The following CEP295 variants were observed in gnomAD, a reference collection of about 807,000 sequenced individuals.
CEP295 encodes the protein centrosomal protein of 295 kDa.
Under a neutral mutation model 291.6 loss-of-function variants are expected in CEP295, and 190 were observed. The ratio of observed to expected loss-of-function variants is 0.65; its 90% CI spans 0.58 to 0.73. CEP295 has a LOEUF of 0.73. Ranked by LOEUF, CEP295 falls within the 30% of genes least tolerant of loss-of-function variation. The pLI is 0.00. For synonymous variants in CEP295, 993 were observed against 1,038.8 expected, an observed-to-expected ratio of 0.96 and a Z score of 0.85; for missense variants, 2,863 against 2,949.4, an observed-to-expected ratio of 0.97 and a Z score of 0.68.
At chr11:93,723,985 A>G (rs2135333125) in intron 21 of CEP295, 1 of 189,886 alleles carries the variant, frequency 5.3e-6, no homozygotes, top group South Asian at 1.6e-4. Context: ...TAAATTTAAA[A>G]AAATTAAATT....
Position 93,698,048 on chromosome 11 carries a change from T to A in CEP295, c.3136T>A (p.Phe1046Ile). 1 of 1,551,810 alleles carries A rather than the reference T, an allele frequency of 6.4e-7. No individual in the cohort carries two copies. The highest frequency in any genetic ancestry group is 2.4e-5 in the East Asian group (1 of 40,908). Reference sequence around the variant, plus strand: ...CATATCTCAGGATGGGTCTTTGAGTTTCCTACAGCAGTTCCTACCTCTACA... The same window carrying A: ...CATATCTCAGGATGGGTCTTTGAGTATCCTACAGCAGTTCCTACCTCTACA... The part of the protein sequence containing the change: ...IPISQDGSLS[F>I]LQQFLPLHDS... Residue 1046 changes from phenylalanine (F) to isoleucine (I), a missense_variant, in exon 15 of 30, where the codon TTC (phenylalanine) becomes ATC (isoleucine). By Grantham distance (21) the Phe-to-Ile change is conservative (BLOSUM62 0). Around this residue, in one of 3 missense-constraint regions of CEP295, gnomAD observed 2,295 missense variants for 2,335.7 expected, o/e 0.98. Coordinates refer to ENST00000325212, the MANE Select transcript of CEP295 (RefSeq NM_033395.2).
rs1432876221 is a variant in CEP295 at position 93,702,115 on chromosome 11, C to T, written c.5275-345C>T. The stretch of plus-strand genomic sequence containing the variant: ...CCAGGATTACAGGCATGCACAATCA[C>T]GCCCAGCCAATTTTTGTATTTTTAG... On this transcript the variant is annotated intron_variant, in intron 15 of 29. Coordinates refer to ENST00000325212, the MANE Select transcript of CEP295 (RefSeq NM_033395.2). Among the ~76,000 whole-genome samples, 8 of 152,192 alleles carry T rather than the reference C, an allele frequency of 5.3e-5. No individual in the cohort carries two copies. The East Asian group carries it at 1.2e-3, about 22-fold the overall frequency.
intron 5 of CEP295, among the ~76,000 whole-genome samples, chr11:93,670,044 GC>G (rs1364759012): frequency 6.6e-6 from 1 of 151,842 alleles, no homozygotes; most frequent in African/African-American, 2.4e-5. Flanking sequence ...TATTTGTTCA[GC>G]CTTCCTCAAT....
chr11:93,729,659 C>A lies in CEP295; in HGVS notation c.7445C>A (p.Ala2482Glu), dbSNP rs1445862481. 9 of 1,550,712 alleles carry A rather than the reference C, an allele frequency of 5.8e-6. No individual in the cohort carries two copies. In the South Asian group the frequency reaches 9.5e-5, roughly 16 times the overall value. ...CCTGTACCAGGGAGCTTACAAGAAG[C>A]ATTTATAAAGAGGAAAAAATCATTT... ...LTPVPGSLQEAFIKRKKSFME... is the reference protein window; with the variant it reads ...LTPVPGSLQEEFIKRKKSFME... Residue 2482 changes from alanine (A) to glutamate (E), a missense_variant, in exon 27 of 30, where the codon GCA becomes GAA. Ala to Glu is a moderately radical substitution (Grantham distance 107). Transcript: ENST00000325212.
intron 7 of CEP295, among the ~76,000 whole-genome samples, chr11:93,681,260 G>T (rs1052743087): frequency 6.7e-6 from 1 of 149,570 alleles, no homozygotes; most frequent in African/African-American, 2.5e-5. Context: ...TTTTTGAGAC[G>T]GAGTCTCACT....
chr11:93,671,251 TGG>T (rs1950431809), intron 5 of CEP295, among the ~76,000 whole-genome samples: 1 of 152,204 alleles, frequency 6.6e-6, no homozygotes, highest in African/African-American at 2.4e-5. Context: ...AGTAAAGGGT[TGG>T]GGTAATAATC....
intron 19 of CEP295, 127 bp downstream of exon 19, chr11:93,721,539 G>A: frequency 1.3e-6 from 1 of 790,430 alleles, no homozygotes; most frequent in Non-Finnish European, 2.3e-6. Context: ...TTTTAGTGAA[G>A]TGGATCAATG....
At chr11:93,664,941 A>G (rs1383649362) in intron 1 of CEP295, among the ~76,000 whole-genome samples, 6 of 152,228 alleles carry the variant, frequency 3.9e-5, no homozygotes, top group Non-Finnish European at 8.8e-5. Context: ...CTAACTAGAA[A>G]GAGCAAACTG....
intron 15 of CEP295, among the ~76,000 whole-genome samples, chr11:93,701,604 TG>T (rs1952163759): frequency 6.6e-6 from 1 of 152,176 alleles, no homozygotes; most frequent in East Asian, 1.9e-4. Context: ...GTTTTTTGTT[TG>T]TTTGTTTGTT....
chr11:93,727,597 G>A lies in CEP295; in HGVS notation c.7121G>A (p.Ser2374Asn), dbSNP rs1591172702. The A allele has an allele frequency of 6.5e-7, 1 of 1,550,068 alleles. No individual in the cohort carries two copies. Among genetic ancestry groups the A allele is most frequent in the Non-Finnish European group, 8.7e-7 (1 of 1,146,546 alleles). The change falls in exon 24 of 30, where the codon AGT (serine) becomes AAT (asparagine). Residue 2374 changes from serine (S) to asparagine (N), a missense_variant. Ser to Asn is a conservative substitution (Grantham distance 46). Around this residue, in one of 3 missense-constraint regions of CEP295, gnomAD observed 2,295 missense variants for 2,335.7 expected, o/e 0.98. Transcript: ENST00000325212. ...CTAGGAGAATCAGAGCTTTTTGCAA[G>A]TTCTGGATCATTTTCATTACAGAGC... ...SQLGESELFA[S>N]SGSFSLQSSI...
Position 93,697,568 on chromosome 11 carries a change from T to C in CEP295, c.2656T>C (p.Ser886Pro). The change falls in exon 15 of 30, where the codon TCG becomes CCG. Residue 886 changes from serine (S) to proline (P), a missense_variant. Ser to Pro is a moderately conservative substitution (Grantham distance 74). Around this residue, in one of 3 missense-constraint regions of CEP295, gnomAD observed 2,295 missense variants for 2,335.7 expected, o/e 0.98. Coordinates refer to ENST00000325212, the MANE Select transcript of CEP295 (RefSeq NM_033395.2). Reference protein sequence around the residue: ...QKEVEQQTGLSVFLPLVTPDS... With the variant: ...QKEVEQQTGLPVFLPLVTPDS... ...AGAAGTGGAACAGCAAACGGGCCTC[T>C]CGGTATTCCTTCCCTTGGTAACTCC... The C allele has an allele frequency of 6.4e-7, 1 of 1,551,800 alleles. No individual in the cohort carries two copies. Among genetic ancestry groups the C allele is most frequent in the Non-Finnish European group, 8.7e-7 (1 of 1,146,982 alleles).
chr11:93,662,880 A>G (rs1950049410), intron 1 of CEP295, among the ~76,000 whole-genome samples: 1 of 152,246 alleles, frequency 6.6e-6, no homozygotes, highest in Non-Finnish European at 1.5e-5. Flanking sequence ...ACCAAAATTC[A>G]GCATCATTTA....
rs1952013126 is a variant in CEP295, at chr11:93,699,292, A to G, written c.4380A>G (p.Glu1460=). ...AACAAGATAATTTGATTGCACTTGA[A>G]GAACACTTGCATGCACAGACAGATT... ...LPQQDNLIAL[E]EHLHAQTDFL... Residue 1460 remains glutamate, a synonymous_variant, in exon 15 of 30, where the codon GAA becomes GAG. Coordinates refer to ENST00000325212, the MANE Select transcript of CEP295 (RefSeq NM_033395.2). 1.9e-6 allele frequency: 3 copies of G among 1,552,030 alleles called. No individual in the cohort carries two copies. The highest frequency in any genetic ancestry group is 2.6e-6 in the Non-Finnish European group (3 of 1,146,996).
chr11:93,698,404 A>G lies in CEP295; in HGVS notation c.3492A>G (p.Thr1164=), dbSNP rs1007023791. 6.4e-7 allele frequency: 1 copy of G among 1,552,046 alleles called. No individual in the cohort carries two copies. Among genetic ancestry groups the G allele is most frequent in the Non-Finnish European group, 8.7e-7 (1 of 1,147,088 alleles). The change falls in exon 15 of 30, where the codon ACA becomes ACG. Residue 1164 remains threonine (T), a synonymous_variant. Transcript: ENST00000325212. ...QHSLAQQENL[T]ILQEQSQIQR... Reference sequence around the variant, plus strand: ...GCCTGGCACAGCAAGAAAATTTGACAATACTCCAAGAACAGTCACAAATAC... The same window carrying G: ...GCCTGGCACAGCAAGAAAATTTGACGATACTCCAAGAACAGTCACAAATAC...
rs1367638050 is a variant in CEP295, at chr11:93,698,522, ACCT to A, written c.3615_3617del (p.Ser1207del). 5 of 1,552,108 alleles carry A rather than the reference ACCT, an allele frequency of 3.2e-6. No homozygotes were observed. The highest frequency in any genetic ancestry group is 3.5e-6 in the Non-Finnish European group (4 of 1,147,080). On this transcript the variant is annotated inframe_deletion, in exon 15 of 30. Coordinates refer to ENST00000325212, the MANE Select transcript of CEP295 (RefSeq NM_033395.2). ...AAGAATTTCTTCTGAACAGACTGGC[ACCT>A]CCTCATCCCTTTCCCAGGTGGATGA...
chr11:93,693,937 T>C (rs1951724877), intron 12 of CEP295, among the ~76,000 whole-genome samples: 1 of 152,218 alleles, frequency 6.6e-6, no homozygotes, highest in Non-Finnish European at 1.5e-5. Context: ...TTTATTTAAT[T>C]TTAATTAAAT....
chr11:93,670,509 T>C (rs1006562702), intron 5 of CEP295, among the ~76,000 whole-genome samples: 1 of 152,232 alleles, frequency 6.6e-6, no homozygotes, highest in Non-Finnish European at 1.5e-5. Flanking sequence ...TAGTTATTTT[T>C]ATCTGAAGAA....
chr11:93,688,644 A>C (rs149185524), intron 10 of CEP295, among the ~76,000 whole-genome samples: 211 of 152,198 alleles, frequency 1.4e-3, no homozygotes, highest in African/African-American at 4.9e-3. Context: ...CATAATGACT[A>C]ACCATTGTTA....
At position 93,721,256 on chromosome 11, in the gene CEP295, T is replaced by C. The variant is rs1953691844; in HGVS notation, c.5750-56T>C. The C allele has an allele frequency of 8.2e-6, 8 of 975,380 alleles. 1 individual carries two copies. The South Asian group carries it at 1.1e-4, about 14-fold the overall frequency. 60.4% of individuals were successfully genotyped at this position (975,380 alleles called of 1,614,324 possible). ...GTCCTGTGGTGCTAAGAATTTGATTTGTCTTATCCCAACTATATTTTTCTC... is the reference window on the plus strand; with the variant it reads ...GTCCTGTGGTGCTAAGAATTTGATTCGTCTTATCCCAACTATATTTTTCTC... On this transcript the variant is annotated intron_variant, in intron 18 of 29. Coordinates refer to ENST00000325212, the MANE Select transcript of CEP295 (RefSeq NM_033395.2).
Sources: allele counts gnomAD v4.1 joint callset (sites outside exome capture counted in the v4.1 genomes callset), GRCh38; gene constraint gnomAD v4.1.1; regional missense constraint gnomAD v4.1.1; transcripts MANE v1.5; gene names NCBI Gene and HGNC (gene_info 2026-07-23, HGNC 2026-07-21).